The following SEMA6A variants were observed in gnomAD, a reference collection of about 807,000 sequenced individuals.
The protein encoded by SEMA6A is semaphorin 6A.
A neutral mutation model predicts 96.8 loss-of-function variants in SEMA6A; 25 were observed. The observed-to-expected ratio is 0.26, with a 90% CI of 0.19 to 0.36. The LOEUF is 0.36. Ranked by LOEUF, SEMA6A falls within the 10% of genes least tolerant of loss-of-function variation. The pLI is 1.00. For missense variants in SEMA6A, 1,363 were observed against 1,323.1 expected (o/e 1.03, Z -0.47); for synonymous variants, 612 against 518.0 (o/e 1.18, Z -2.46).
At chr5:116,570,369 G>A (rs1761164368) in intron 1 of SEMA6A, among the ~76,000 whole-genome samples, 3 of 152,148 alleles carry the variant, frequency 2.0e-5, no homozygotes, top group South Asian at 4.1e-4. Context: ...ATATGGGAGG[G>A]CCCAGCAGAA....
intron 1 of SEMA6A, among the ~76,000 whole-genome samples, chr5:116,534,870 T>C (rs183644584): frequency 8.5e-5 from 13 of 152,340 alleles, no homozygotes; most frequent in Non-Finnish European, 1.3e-4. Context: ...GCAGAAGGAC[T>C]GTCTAGAAGG....
chr5:116,526,252 C>T (rs1231848062), intron 1 of SEMA6A, among the ~76,000 whole-genome samples: 1 of 152,130 alleles, frequency 6.6e-6, no homozygotes, highest in African/African-American at 2.4e-5. Flanking sequence ...TTTCCCTTTT[C>T]TGCCTTGTGA....
intron 3 of SEMA6A, 137 bp downstream of exon 3, chr5:116,502,073 T>A: frequency 1.5e-6 from 1 of 647,272 alleles, no homozygotes; most frequent in Non-Finnish European, 2.7e-6. Flanking sequence ...GATTGCTTGA[T>A]AAGTTAAAGG....
chr5:116,450,247 G>A (rs1262519123), intron 18 of SEMA6A, among the ~76,000 whole-genome samples: 1 of 151,990 alleles, frequency 6.6e-6, no homozygotes, highest in East Asian at 1.9e-4. Flanking sequence ...CCCCAGTAAT[G>A]GGGTGGGGGT....
intron 1 of SEMA6A, among the ~76,000 whole-genome samples, chr5:116,570,184 CTT>C (rs1159666578): frequency 6.6e-6 from 1 of 152,208 alleles, no homozygotes; most frequent in East Asian, 1.9e-4. Flanking sequence ...TGCCTCCCTC[CTT>C]TCTCTATCTT....
chr5:116,452,102 C>G (rs146222011), intron 18 of SEMA6A, among the ~76,000 whole-genome samples: 3 of 152,154 alleles, frequency 2.0e-5, no homozygotes, highest in African/African-American at 7.2e-5. Context: ...TACTCCCCTC[C>G]GCAGGTATCC....
chr5:116,536,228 T>C (rs1759700126), intron 1 of SEMA6A: 1 of 152,086 alleles, frequency 6.6e-6, no homozygotes, highest in African/African-American at 2.4e-5. Flanking sequence ...GGATTAGCCT[T>C]CTGGTATTAT....
At chr5:116,523,221 C>G (rs1323893537) in intron 1 of SEMA6A, among the ~76,000 whole-genome samples, 6 of 152,164 alleles carry the variant, frequency 3.9e-5, no homozygotes, top group Non-Finnish European at 7.4e-5. Context: ...AGAGCTGAGT[C>G]TATTTTGACC....
intron 8 of SEMA6A, 88 bp downstream of exon 8, chr5:116,488,800 T>C: frequency 7.2e-7 from 1 of 1,388,256 alleles, no homozygotes; most frequent in Non-Finnish European, 9.5e-7. Context: ...CAAATGAAGA[T>C]ACAGTCTGGT....
At chr5:116,553,173 CT>C in intron 1 of SEMA6A, among the ~76,000 whole-genome samples, 1 of 152,162 alleles carries the variant, frequency 6.6e-6, no homozygotes, top group Non-Finnish European at 1.5e-5. Flanking sequence ...TGTATCAGAT[CT>C]ATTTTTTGTG....
chr5:116,573,620 C>A (rs926006322), intron 1 of SEMA6A, among the ~76,000 whole-genome samples: 1 of 151,920 alleles, frequency 6.6e-6, no homozygotes, highest in Non-Finnish European at 1.5e-5. Flanking sequence ...TTGCACTCCA[C>A]GGAGCCCAGC....
intron 1 of SEMA6A, among the ~76,000 whole-genome samples, chr5:116,567,783 C>G (rs561979157): frequency 1.3e-5 from 2 of 152,328 alleles, no homozygotes; most frequent in East Asian, 1.9e-4. Flanking sequence ...CGAATTCGGC[C>G]TTGTTATGAC....
Position 116,459,188 on chromosome 5 carries a change from T to C in SEMA6A, c.1894+8395A>G, listed in dbSNP as rs777510882. On this transcript the variant is annotated intron_variant, in intron 18 of 18. Coordinates refer to ENST00000343348, the MANE Select transcript of SEMA6A (RefSeq NM_020796.5). ...AGCTTGCCTGGGGTTTTACCTAGGA[T>C]AGAGCTAGATAGGCAAGAAGCATCT... Among the ~76,000 whole-genome samples the C allele has an allele frequency of 2.0e-4, 30 of 152,274 alleles. 1 individual carries two copies. Among genetic ancestry groups the C allele is most frequent in the Middle Eastern group, 6.8e-3 (2 of 294 alleles).
intron 6 of SEMA6A, chr5:116,492,630 C>A (rs1408079184): frequency 6.6e-6 from 1 of 152,190 alleles, no homozygotes; most frequent in Admixed American, 6.5e-5. Flanking sequence ...TCAAAGCTCT[C>A]CCCTAGATAA....
chr5:116,482,781 T>A (rs1284699856), intron 10 of SEMA6A, among the ~76,000 whole-genome samples: 1 of 152,192 alleles, frequency 6.6e-6, no homozygotes, highest in Admixed American at 6.5e-5. Flanking sequence ...ATGGGGTAGT[T>A]ATAGGAAGCT....
intron 15 of SEMA6A, among the ~76,000 whole-genome samples, chr5:116,476,942 A>G (rs1037859164): frequency 1.3e-5 from 2 of 152,204 alleles, no homozygotes; most frequent in African/African-American, 4.8e-5. Flanking sequence ...TCCTCAAATT[A>G]TGCAGGTAGT....
intron 10 of SEMA6A, among the ~76,000 whole-genome samples, chr5:116,486,015 CA>C (rs1757033356): frequency 6.6e-6 from 1 of 152,080 alleles, no homozygotes; most frequent in African/African-American, 2.4e-5. Flanking sequence ...TAAGTAAATA[CA>C]AAAATAGGAG....
intron 1 of SEMA6A, among the ~76,000 whole-genome samples, chr5:116,564,160 A>T (rs1561539233): frequency 6.6e-6 from 1 of 152,254 alleles, no homozygotes; most frequent in East Asian, 1.9e-4. Flanking sequence ...CGTGCATTAA[A>T]AATGCTTGTT....
intron 10 of SEMA6A, among the ~76,000 whole-genome samples, chr5:116,485,865 C>A (rs751700461): frequency 7.9e-5 from 12 of 152,172 alleles, no homozygotes; most frequent in Non-Finnish European, 1.8e-4. Flanking sequence ...AATACGAGGA[C>A]TCTGAAATCT....
Sources: gnomAD v4.1 joint callset for allele counts (sites outside exome capture counted in the v4.1 genomes callset) on GRCh38, gnomAD v4.1.1 for gene constraint, MANE v1.5 for transcripts, NCBI Gene and HGNC (gene_info 2026-07-23, HGNC 2026-07-21) for gene names.